Variants in UBXN8 observed in about 807,000 individuals in gnomAD.
The protein encoded by UBXN8 is UBX domain protein 8.
A neutral mutation model predicts 32.1 loss-of-function variants in UBXN8; 27 were observed. The observed-to-expected ratio is 0.84, with a 90% CI of 0.62 to 1.16. The LOEUF is 1.16. UBXN8 is among the 50% of genes most tolerant of loss of function. The probability of loss-of-function intolerance (pLI) is 0.00; values close to 1 mark genes in which losing one functional copy is unlikely to be tolerated. For missense variants in UBXN8, 306 were observed against 311.4 expected (o/e 0.98, Z 0.13); for synonymous variants, 109 against 111.8 (o/e 0.98, Z 0.16).
chr8:30,748,810 G>A (rs1293612135), intron 1 of UBXN8, among the ~76,000 whole-genome samples: 1 of 152,012 alleles, frequency 6.6e-6, no homozygotes, highest in Admixed American at 6.6e-5. Context: ...CAAAGTGCTG[G>A]GATTACAGGC....
Position 30,763,298 on chromosome 8 carries a change from C to A in UBXN8, c.596C>A (p.Pro199His), listed in dbSNP as rs1442994671. 3.1e-6 allele frequency: 5 copies of A among 1,613,790 alleles called. No individual in the cohort carries two copies. The highest frequency in any genetic ancestry group is 1.3e-5 in the African/African-American group (1 of 75,036). Reference sequence around the variant, plus strand: ...GTAGTTACTGTTGCTCTCCGATGTCCCAGTGGGAATGTCCTGAGGAGAAGG... The same window carrying A: ...GTAGTTACTGTTGCTCTCCGATGTCACAGTGGGAATGTCCTGAGGAGAAGG... Reference protein sequence around the residue: ...EEVVTVALRCPSGNVLRRRFL... With the variant: ...EEVVTVALRCHSGNVLRRRFL... Residue 199 changes from proline (P) to histidine (H), a missense_variant, in exon 7 of 8, where the codon CCC (proline) becomes CAC (histidine). Transcript: ENST00000265616.
At chr8:30,738,586 G>A (rs1232622256) in intron 1 of UBXN8, among the ~76,000 whole-genome samples, 2 of 150,342 alleles carry the variant, frequency 1.3e-5, no homozygotes, top group East Asian at 3.9e-4. Flanking sequence ...GCCTGAATCT[G>A]GGAGGCGGAG....
chr8:30,761,894 G>A (rs923834247), intron 6 of UBXN8, among the ~76,000 whole-genome samples: 1 of 151,896 alleles, frequency 6.6e-6, no homozygotes, highest in Non-Finnish European at 1.5e-5. Flanking sequence ...CCAGTTGCTG[G>A]GTCATAGTCC....
At chr8:30,763,939 C>T (rs1021712849) in intron 7 of UBXN8, among the ~76,000 whole-genome samples, 5 of 151,972 alleles carry the variant, frequency 3.3e-5, no homozygotes, top group Non-Finnish European at 7.4e-5. Context: ...TGCAATGAGC[C>T]GAGATCATGC....
chr8:30,760,443 A>ATT lies in UBXN8; in HGVS notation c.529-431_529-430dup, dbSNP rs199634258. Among the ~76,000 whole-genome samples the ATT allele has an allele frequency of 7.0e-3, 642 of 91,084 alleles. 7 individuals carry two copies. The highest frequency in any genetic ancestry group is 0.034 in the East Asian group (114 of 3,362). The allele number at this position is 91,084 out of a possible 152,430, so 59.8% of individuals were successfully genotyped here. ...ATCATATATATATATATATATATAT[A>ATT]TTTTTTTTTTTTTTTAAAGTGACAG... is the stretch of plus-strand genomic sequence containing the variant. On this transcript the variant is annotated intron_variant, in intron 5 of 7. Transcript: ENST00000265616.
chr8:30,749,392 C>CAAAAAAAAA (rs762244650), intron 1 of UBXN8, among the ~76,000 whole-genome samples: 4 of 74,570 alleles, frequency 5.4e-5, no homozygotes, highest in African/African-American at 1.3e-4. Flanking sequence ...GGCTCCGTCT[C>CAAAAAAAAA]AAAAAAAAAA....
chr8:30,760,441 A>AT (rs1263036658), intron 5 of UBXN8, among the ~76,000 whole-genome samples: 45 of 49,108 alleles, frequency 9.2e-4, no homozygotes, highest in Non-Finnish European at 1.7e-3. Flanking sequence ...ATATATATAT[A>AT]TATTTTTTTT....
upstream of UBXN8, among the ~76,000 whole-genome samples, chr8:30,741,454 CT>C (rs565066061): frequency 1.4e-3 from 158 of 116,710 alleles, no homozygotes; most frequent in East Asian, 5.8e-3. Flanking sequence ...AAGCAATGTT[CT>C]TTTTTTTTTT....
At chr8:30,741,417 C>G (rs1292457577), upstream of UBXN8, among the ~76,000 whole-genome samples, 1 of 150,716 alleles carries the variant, frequency 6.6e-6, no homozygotes, top group Non-Finnish European at 1.5e-5. Flanking sequence ...TTGACGTCCC[C>G]TCTGAGACAC....
At chr8:30,747,894 C>CTTTTTTTTTTT (rs67334347) in intron 1 of UBXN8, among the ~76,000 whole-genome samples, 62 of 35,622 alleles carry the variant, frequency 1.7e-3, no homozygotes, top group Non-Finnish European at 2.1e-3. Context: ...TATATTTTTT[C>CTTTTTTTTTTT]TTTTTTTTTT....
chr8:30,762,072 T>TTC (rs1805848940), intron 6 of UBXN8, among the ~76,000 whole-genome samples: 1 of 151,054 alleles, frequency 6.6e-6, no homozygotes, highest in East Asian at 1.9e-4. Flanking sequence ...TTTTTTTTTT[T>TTC]TTTTTTAAAG....
At chr8:30,741,454 CTTTT>C (rs565066061), upstream of UBXN8, among the ~76,000 whole-genome samples, 12 of 116,706 alleles carry the variant, frequency 1.0e-4, no homozygotes, top group South Asian at 5.7e-4. Flanking sequence ...AAGCAATGTT[CTTTT>C]TTTTTTTTTT....
rs187302436 is a variant in UBXN8 at position 30,759,950 on chromosome 8, C to A, written c.529-938C>A. ...CCAGCCTGGGCGACAGAGTGAGACT[C>A]CGTCTCAGAAAAATAAATAAATAAA... On this transcript the variant is annotated intron_variant, in intron 5 of 7. Coordinates refer to ENST00000265616, the MANE Select transcript of UBXN8 (RefSeq NM_005671.4). Among the ~76,000 whole-genome samples the A allele has an allele frequency of 8.6e-3, 1,249 of 145,246 alleles. 18 individuals carry two copies. The highest frequency in any genetic ancestry group is 0.032 in the African/African-American group (1,176 of 36,628).
intron 5 of UBXN8, among the ~76,000 whole-genome samples, chr8:30,759,651 T>C (rs1805771067): frequency 6.6e-6 from 1 of 151,674 alleles, no homozygotes; most frequent in South Asian, 2.1e-4. Flanking sequence ...AAAAAGTTCA[T>C]ATTCATGTTA....
intron 7 of UBXN8, 143 bp from the exon 8 acceptor site, chr8:30,766,084 C>A: frequency 1.5e-6 from 1 of 661,112 alleles, no homozygotes; most frequent in East Asian, 3.8e-5. Context: ...TAGAAAGTTT[C>A]TTTGAAAGGT....
chr8:30,763,601 T>C (rs1227144329), intron 7 of UBXN8, among the ~76,000 whole-genome samples: 1 of 152,250 alleles, frequency 6.6e-6, no homozygotes, highest in East Asian at 1.9e-4. Flanking sequence ...CTTTGTTGTT[T>C]GCTTTCATTA....
At chr8:30,758,901 T>TTTTTTTG (rs1805747648) in intron 5 of UBXN8, among the ~76,000 whole-genome samples, 1 of 130,136 alleles carries the variant, frequency 7.7e-6, no homozygotes, top group African/African-American at 3.0e-5. Context: ...TTTGTTTTTT[T>TTTTTTTG]TTTTTTTTTT....
intron 1 of UBXN8, among the ~76,000 whole-genome samples, chr8:30,734,966 G>T (rs769944597): frequency 6.6e-6 from 1 of 152,072 alleles, no homozygotes; most frequent in Admixed American, 6.5e-5. Context: ...CTGGACAAAC[G>T]TAGGTGATTT....
At chr8:30,746,211 A>G (rs532011238) in intron 1 of UBXN8, among the ~76,000 whole-genome samples, 1 of 152,114 alleles carries the variant, frequency 6.6e-6, no homozygotes, top group Non-Finnish European at 1.5e-5. Context: ...TCATGGGATT[A>G]GCTTCTTTCT....
Sources: gnomAD v4.1 joint callset for allele counts (sites outside exome capture counted in the v4.1 genomes callset) on GRCh38, gnomAD v4.1.1 for gene constraint, MANE v1.5 for transcripts, NCBI Gene and HGNC (gene_info 2026-07-23, HGNC 2026-07-21) for gene names.